The following RAMP1 variants were observed in gnomAD, a reference collection of about 807,000 sequenced individuals.
The protein encoded by RAMP1 is receptor activity-modifying protein 1.
In RAMP1, 7 loss-of-function variants were observed where a neutral mutation model predicts 8.2. The ratio of observed to expected loss-of-function variants is 0.85; its 90% confidence interval spans 0.49 to 1.60. The LOEUF (loss-of-function observed/expected upper bound fraction) is 1.60. Among genes scored for constraint, RAMP1 ranks in the 40% most tolerant of loss-of-function variants. RAMP1 has a pLI of 0.00. For missense variants in RAMP1, 192 were observed against 202.4 expected (o/e 0.95, Z 0.31); for synonymous variants, 92 against 84.7 (o/e 1.09, Z -0.47).
intron 2 of RAMP1, among the ~76,000 whole-genome samples, chr2:237,897,112 G>A (rs2062549991): frequency 6.6e-6 from 1 of 152,250 alleles, no homozygotes; most frequent in South Asian, 2.1e-4. Flanking sequence ...GCTATCATGA[G>A]GTGTGCATCC....
chr2:237,910,769 TCACA>T (rs528868495), intron 2 of RAMP1, among the ~76,000 whole-genome samples: 4 of 147,402 alleles, frequency 2.7e-5, no homozygotes, highest in African/African-American at 1.0e-4. Context: ...ACACACACAG[TCACA>T]CACAAAATAA....
At position 237,865,243 on chromosome 2, in the gene RAMP1, G is replaced by GAGGGC. The variant is rs1327243444; in HGVS notation, c.52+5526_52+5530dup. Reference sequence around the variant, plus strand: ...CTGGCAGAGCTCCTGGGGGAGTAGGGAGGGCAGGGCAGGGGAGAAGAGAGG... The same window carrying GAGGGC: ...CTGGCAGAGCTCCTGGGGGAGTAGGGAGGGCAGGGCAGGGCAGGGGAGAAGAGAGG... On this transcript the variant is annotated intron_variant, in intron 1 of 2. Coordinates refer to ENST00000254661, the MANE Select transcript of RAMP1 (RefSeq NM_005855.4). The surrounding 1 kb of genome is among the most constrained non-coding windows in gnomAD (Gnocchi z 4.2). Among the ~76,000 whole-genome samples the GAGGGC allele has an allele frequency of 1.3e-5, 2 of 149,122 alleles. No individual in the cohort carries two copies. Among genetic ancestry groups the GAGGGC allele is most frequent in the African/African-American group, 5.0e-5 (2 of 40,266 alleles).
chr2:237,900,732 G>A (rs1235126724), intron 2 of RAMP1, among the ~76,000 whole-genome samples: 1 of 151,740 alleles, frequency 6.6e-6, no homozygotes, highest in Non-Finnish European at 1.5e-5. Context: ...TTATATAAAT[G>A]ATCTTTCATT....
chr2:237,895,661 G>C (rs1363734079), intron 2 of RAMP1, among the ~76,000 whole-genome samples: 1 of 152,146 alleles, frequency 6.6e-6, no homozygotes, highest in Non-Finnish European at 1.5e-5. Context: ...GCCCGGCAGG[G>C]GTCCCTGAAG....
chr2:237,864,918 G>A (rs1327905161), intron 1 of RAMP1, among the ~76,000 whole-genome samples: 3 of 152,220 alleles, frequency 2.0e-5, no homozygotes, highest in African/African-American at 7.2e-5. Context: ...CTTTTTGACT[G>A]AAGCATGGTG....
chr2:237,870,687 A>G (rs534061043), intron 1 of RAMP1, among the ~76,000 whole-genome samples: 66 of 152,326 alleles, frequency 4.3e-4, no homozygotes, highest in African/African-American at 1.4e-3. Flanking sequence ...GTTTTACTGA[A>G]TGGCAGTCGG....
chr2:237,894,933 G>A (rs2062524091), intron 2 of RAMP1, among the ~76,000 whole-genome samples: 1 of 152,154 alleles, frequency 6.6e-6, no homozygotes. Context: ...GTTCTCCTTC[G>A]ACAAGTTAGG....
chr2:237,878,557 T>TC lies in RAMP1; in HGVS notation c.191+1198dup. ...GCCCCTCTGAGCCTGGGTTTGGGCC[T>TC]CCCTCTACCCTCAGAGCCCCGCTGG... On this transcript the variant is annotated intron_variant, in intron 2 of 2. Coordinates refer to ENST00000254661, the MANE Select transcript of RAMP1 (RefSeq NM_005855.4). This position sits in a 1 kb window ranked among gnomAD's most constrained non-coding sequence, Gnocchi z 5.7. 6.6e-6 allele frequency among the ~76,000 whole-genome samples: 1 copy of TC among 152,298 alleles called. No individual in the cohort carries two copies. Among genetic ancestry groups the TC allele is most frequent in the Admixed American group, 6.5e-5 (1 of 15,310 alleles).
intron 2 of RAMP1, among the ~76,000 whole-genome samples, chr2:237,884,556 G>T (rs545237616): frequency 6.6e-6 from 1 of 152,170 alleles, no homozygotes; most frequent in Non-Finnish European, 1.5e-5. Context: ...GATTTAAGAG[G>T]GAAGGGGACA....
chr2:237,860,938 T>G (rs1023266643), intron 1 of RAMP1, among the ~76,000 whole-genome samples: 3 of 152,196 alleles, frequency 2.0e-5, no homozygotes, highest in African/African-American at 7.2e-5. Context: ...TGAAAGCGGA[T>G]CTTGCCACTT....
At chr2:237,907,339 G>A (rs954430803) in intron 2 of RAMP1, among the ~76,000 whole-genome samples, 11 of 151,974 alleles carry the variant, frequency 7.2e-5, no homozygotes, top group African/African-American at 1.5e-4. Context: ...TTGGATCTGC[G>A]ATTTTATGTC....
At chr2:237,869,254 T>C (rs758342662) in intron 1 of RAMP1, among the ~76,000 whole-genome samples, 20 of 152,180 alleles carry the variant, frequency 1.3e-4, no homozygotes, top group Admixed American at 7.2e-4. Context: ...GTCCCAGTCA[T>C]TGCTTTTTTA....
chr2:237,873,435 G>A (rs1311332225), intron 1 of RAMP1, among the ~76,000 whole-genome samples: 1 of 152,188 alleles, frequency 6.6e-6, no homozygotes, highest in East Asian at 1.9e-4. Flanking sequence ...CCGTCCTTCT[G>A]TCCCCACCCT....
intron 1 of RAMP1, chr2:237,860,053 G>GC: frequency 4.5e-6 from 1 of 222,666 alleles, no homozygotes; most frequent in Admixed American, 5.9e-5. Context: ...GGAAAAACAG[G>GC]ACGCGGGGTT....
At chr2:237,880,698 G>T (rs1370522139) in intron 2 of RAMP1, among the ~76,000 whole-genome samples, 1 of 152,220 alleles carries the variant, frequency 6.6e-6, no homozygotes, top group Non-Finnish European at 1.5e-5. Context: ...GGGAGCCGAC[G>T]CAGCATTCTT....
chr2:237,875,828 A>G (rs1301947720), intron 1 of RAMP1, among the ~76,000 whole-genome samples: 1 of 152,038 alleles, frequency 6.6e-6, no homozygotes. Flanking sequence ...GTGCTCTGCA[A>G]CAGCACCCCC....
chr2:237,864,047 T>A (rs991912769), intron 1 of RAMP1, among the ~76,000 whole-genome samples: 4 of 148,572 alleles, frequency 2.7e-5, no homozygotes, highest in Admixed American at 1.3e-4. Context: ...CCCCCACACA[T>A]GCCATGTTCA....
At chr2:237,866,737 T>TG (rs1384736260) in intron 1 of RAMP1, among the ~76,000 whole-genome samples, 1 of 152,094 alleles carries the variant, frequency 6.6e-6, no homozygotes, top group Non-Finnish European at 1.5e-5. Context: ...TTTTTTTTTT[T>TG]TCTTTTTTTG....
At position 237,911,681 on chromosome 2, in the gene RAMP1, C is replaced by T. The variant is rs779913798; in HGVS notation, c.345C>T (p.Pro115=). 13 of 1,613,298 alleles carry T rather than the reference C, an allele frequency of 8.1e-6. No individual in the cohort carries two copies. The highest frequency in any genetic ancestry group is 2.2e-5 in the East Asian group (1 of 44,886). ...PISGRAVRDP[P]GSILYPFIVV... The stretch of plus-strand genomic sequence containing the variant: ...CAGGCAGGGCCGTGCGGGACCCGCC[C>T]GGCAGCATCCTCTACCCCTTCATCG... Residue 115 remains proline (P), a synonymous_variant, in exon 3 of 3, where the codon CCC becomes CCT. Coordinates refer to ENST00000254661, the MANE Select transcript of RAMP1 (RefSeq NM_005855.4).
Sources: gnomAD v4.1 joint callset for allele counts (sites outside exome capture counted in the v4.1 genomes callset) on GRCh38, gnomAD v4.1.1 for gene constraint, Gnocchi (gnomAD v3.1) non-coding constraint, MANE v1.5 for transcripts, NCBI Gene and HGNC (gene_info 2026-07-23, HGNC 2026-07-21) for gene names.